The following ALG13 variants were observed in gnomAD, a reference collection of about 807,000 sequenced individuals.
The protein encoded by ALG13 is UDP-N-acetylglucosamine transferase subunit ALG13.
A neutral mutation model predicts 87.8 loss-of-function variants in ALG13; 11 were observed. The ratio of observed to expected loss-of-function variants is 0.13; its 90% confidence interval spans 0.08 to 0.21. The LOEUF (loss-of-function observed/expected upper bound fraction) is 0.21. Ranked by LOEUF, ALG13 falls within the 10% of genes least tolerant of loss-of-function variation. The pLI, the probability that ALG13 is intolerant of heterozygous loss-of-function variation, is 1.00. For missense variants in ALG13, 756 were observed against 866.1 expected (o/e 0.87, Z 1.60); for synonymous variants, 320 against 306.3 (o/e 1.04, Z -0.47).
chrX:111,701,517 C>A (rs1200811661), intron 3 of ALG13, among the ~76,000 whole-genome samples: 1 of 111,681 alleles, frequency 9.0e-6, no homozygotes, highest in African/African-American at 3.3e-5. Flanking sequence ...TTCTTGTGAT[C>A]CTTTGTATTT....
chrX:111,746,651 T>C (rs1012776870), intron 24 of ALG13, among the ~76,000 whole-genome samples: 1 of 112,374 alleles, frequency 8.9e-6, no homozygotes, highest in Non-Finnish European at 1.9e-5. Context: ...TGAACATTCT[T>C]GTAGAAGTCT....
chrX:111,687,924 A>G, intron 3 of ALG13: 2 of 1,180,365 alleles, frequency 1.7e-6, no homozygotes, highest in Non-Finnish European at 2.3e-6. Flanking sequence ...GGACTTATCA[A>G]CACTGAAATG....
At chrX:111,754,360 G>A (rs770913014) in intron 25 of ALG13, among the ~76,000 whole-genome samples, 18 of 111,479 alleles carry the variant, frequency 1.6e-4, no homozygotes, top group African/African-American at 5.5e-4. Context: ...TTGAAAACCG[G>A]TACAAGACAA....
intron 4 of ALG13, 54 bp downstream of exon 4, chrX:111,708,447 G>A (rs1939158096): frequency 1.7e-6 from 2 of 1,155,717 alleles, no homozygotes; most frequent in Admixed American, 5.1e-5. Context: ...TGAGACATGG[G>A]ATGGTCCTGT....
intron 8 of ALG13, chrX:111,714,219 A>G (rs1471274124): frequency 9.0e-6 from 1 of 111,296 alleles, no homozygotes; most frequent in Admixed American, 9.6e-5. Flanking sequence ...CACCAAAATG[A>G]ATACAGTGAA....
intron 3 of ALG13, among the ~76,000 whole-genome samples, chrX:111,701,131 CT>C (rs1379973768): frequency 1.8e-5 from 2 of 111,434 alleles, no homozygotes; most frequent in Non-Finnish European, 3.8e-5. Flanking sequence ...TTGTTGACGA[CT>C]TGCATTTATG....
intron 3 of ALG13, among the ~76,000 whole-genome samples, chrX:111,706,422 T>C (rs929454725): frequency 8.9e-6 from 1 of 112,659 alleles, no homozygotes; most frequent in Non-Finnish European, 1.9e-5. Flanking sequence ...TCAGAACTTC[T>C]GCAAAAGGCA....
chrX:111,688,527 A>G (rs1475126761), intron 3 of ALG13: 1 of 747,387 alleles, frequency 1.3e-6, no homozygotes, highest in Admixed American at 8.8e-5. Flanking sequence ...TGGAAAAGCT[A>G]CTTTTTTCCT....
intron 1 of ALG13, 143 bp downstream of exon 1, chrX:111,681,442 C>T (rs1569509043): frequency 1.8e-6 from 2 of 1,119,160 alleles, no homozygotes; most frequent in African/African-American, 1.8e-5. Context: ...TGCCCCTTAG[C>T]TGGCTTCTGC....
intron 24 of ALG13, among the ~76,000 whole-genome samples, chrX:111,745,791 G>A (rs1471742081): frequency 9.1e-6 from 1 of 110,486 alleles, no homozygotes; most frequent in African/African-American, 3.3e-5. Flanking sequence ...TTTCTCCTTG[G>A]TTTTTTATTT....
intron 3 of ALG13, among the ~76,000 whole-genome samples, chrX:111,695,466 T>C (rs189113085): frequency 6.4e-4 from 68 of 106,864 alleles, no homozygotes; most frequent in African/African-American, 2.2e-3. Flanking sequence ...GAGGTTGCAG[T>C]GAGCCAAGAT....
chrX:111,750,182 T>A (rs1245104065), intron 24 of ALG13, among the ~76,000 whole-genome samples: 1 of 111,636 alleles, frequency 9.0e-6, no homozygotes, highest in Non-Finnish European at 1.9e-5. Flanking sequence ...CACTTCCATC[T>A]AAGTTCTACT....
At chrX:111,746,874 C>T (rs1362008887) in intron 24 of ALG13, among the ~76,000 whole-genome samples, 2 of 111,833 alleles carry the variant, frequency 1.8e-5, no homozygotes, top group Non-Finnish European at 3.8e-5. Context: ...TTTATCCATT[C>T]TGGTGACTGA....
intron 3 of ALG13, among the ~76,000 whole-genome samples, chrX:111,694,219 G>T (rs1299860470): frequency 1.8e-5 from 2 of 108,805 alleles, no homozygotes; most frequent in Non-Finnish European, 3.8e-5. Flanking sequence ...AATTTTTTTT[G>T]TATTTTTGGT....
chrX:111,728,661 G>A (rs747743000), intron 19 of ALG13, among the ~76,000 whole-genome samples: 4 of 111,013 alleles, frequency 3.6e-5, no homozygotes, highest in Non-Finnish European at 5.7e-5. Context: ...TAGGCTTTTC[G>A]TGTGACTGGC....
At chrX:111,721,961 G>C (rs1941442142) in intron 12 of ALG13, among the ~76,000 whole-genome samples, 1 of 111,318 alleles carries the variant, frequency 9.0e-6, no homozygotes, top group African/African-American at 3.3e-5. Flanking sequence ...TTTTTAGATA[G>C]CATTAAGAAA....
At chrX:111,738,561 C>T (rs139421013) in intron 23 of ALG13, among the ~76,000 whole-genome samples, 333 of 111,005 alleles carry the variant, frequency 3.0e-3, no homozygotes, top group Non-Finnish European at 5.2e-3. Context: ...TTGTTTGAGA[C>T]GGGGTATTGC....
chrX:111,729,379 C>CT (rs1218098298), intron 19 of ALG13, among the ~76,000 whole-genome samples: 1 of 110,813 alleles, frequency 9.0e-6, no homozygotes, highest in Non-Finnish European at 1.9e-5. Context: ...TTCTTGTACT[C>CT]TTTTTTTCTA....
intron 1 of ALG13, chrX:111,681,848 C>T: frequency 1.1e-6 from 1 of 888,116 alleles, no homozygotes; most frequent in East Asian, 5.7e-5. Context: ...CGGGTAGTGC[C>T]TGGGTTCCCC....
Sources: allele counts gnomAD v4.1 joint callset (sites outside exome capture counted in the v4.1 genomes callset), GRCh38; gene constraint gnomAD v4.1.1; transcripts MANE v1.5; gene names NCBI Gene and HGNC (gene_info 2026-07-23, HGNC 2026-07-21).